The following VRK2 variants were observed in gnomAD, a reference collection of about 807,000 sequenced individuals.
The protein encoded by VRK2 is VRK serine/threonine kinase 2.
In VRK2, 60 loss-of-function variants were observed where a neutral mutation model predicts 57.6. The ratio of observed to expected loss-of-function variants is 1.04; its 90% CI spans 0.85 to 1.29. VRK2 has a LOEUF of 1.29. VRK2 is among the 50% of genes most tolerant of loss of function. The pLI is 0.00. For synonymous variants in VRK2, 231 were observed against 199.2 expected (o/e 1.16, Z -1.35); for missense variants, 705 against 588.1 (o/e 1.20, Z -2.06).
At chr2:58,042,194 CATT>C (rs1674487320), upstream of VRK2, among the ~76,000 whole-genome samples, 1 of 152,056 alleles carries the variant, frequency 6.6e-6, no homozygotes, top group East Asian at 1.9e-4. Context: ...TCTAATTCTT[CATT>C]TATATAGACA....
intron 7 of VRK2, among the ~76,000 whole-genome samples, chr2:58,096,693 TTC>T (rs924145744): frequency 6.6e-6 from 1 of 151,866 alleles, no homozygotes; most frequent in African/African-American, 2.4e-5. Context: ...ATGAGATTTT[TTC>T]TTTTTTCTTA....
intron 1 of VRK2, among the ~76,000 whole-genome samples, chr2:57,967,105 T>A (rs1671943039): frequency 6.6e-6 from 1 of 152,128 alleles, no homozygotes. Flanking sequence ...TATAAATGTA[T>A]TATCAAACTA....
intron 12 of VRK2, among the ~76,000 whole-genome samples, chr2:58,157,985 C>A (rs1684229052): frequency 1.3e-5 from 2 of 152,152 alleles, no homozygotes; most frequent in Admixed American, 6.5e-5. Flanking sequence ...GTACTGAAGA[C>A]AACAGGTGGT....
intron 3 of VRK2, among the ~76,000 whole-genome samples, chr2:58,040,888 C>T (rs1465297105): frequency 1.3e-5 from 2 of 152,148 alleles, no homozygotes; most frequent in Non-Finnish European, 2.9e-5. Flanking sequence ...GTTGCAATTG[C>T]ATGAAAGGTA....
chr2:57,914,606 G>T (rs72945334), intron 1 of VRK2, among the ~76,000 whole-genome samples: 1 of 151,884 alleles, frequency 6.6e-6, no homozygotes, highest in African/African-American at 2.4e-5. Context: ...CCAAATATCC[G>T]AAAAGGTGTT....
chr2:57,982,017 G>A (rs1023317009), intron 1 of VRK2, among the ~76,000 whole-genome samples: 1 of 152,172 alleles, frequency 6.6e-6, no homozygotes, highest in Non-Finnish European at 1.5e-5. Context: ...GTGGGCTGAT[G>A]TTCCTTTAAT....
chr2:57,987,388 T>C (rs988604588), intron 1 of VRK2, among the ~76,000 whole-genome samples: 2 of 152,066 alleles, frequency 1.3e-5, no homozygotes, highest in Non-Finnish European at 2.9e-5. Flanking sequence ...ATATGGCAAA[T>C]ATGCACATGA....
intron 1 of VRK2, among the ~76,000 whole-genome samples, chr2:57,962,811 T>G (rs1305096132): frequency 6.6e-6 from 1 of 152,244 alleles, no homozygotes; most frequent in Non-Finnish European, 1.5e-5. Flanking sequence ...CTTTTCTTCT[T>G]CAAAGTATTT....
At position 58,115,972 on chromosome 2, in the gene VRK2, C is replaced by T. The variant is rs144316582; in HGVS notation, c.544-7129C>T. On this transcript the variant is annotated intron_variant, in intron 7 of 12. Coordinates refer to ENST00000340157, the MANE Select transcript of VRK2 (RefSeq NM_006296.7). Reference sequence around the variant, plus strand: ...GATAGGAGAGTATATGGGTTTGGCACCACGGGGTGGATAGGCAAAACAATT... The same window carrying T: ...GATAGGAGAGTATATGGGTTTGGCATCACGGGGTGGATAGGCAAAACAATT... Among the ~76,000 whole-genome samples, 874 of 152,242 alleles carry T rather than the reference C, an allele frequency of 5.7e-3. 8 individuals are homozygous for T. The highest frequency in any genetic ancestry group is 0.02 in the African/African-American group (818 of 41,518).
In VRK2 at chr2:58,088,401, T is replaced by C. The variant is rs1163418826; in HGVS notation, c.405T>C (p.Asn135=). The C allele has an allele frequency of 6.2e-7, 1 of 1,613,622 alleles. No homozygotes were observed. The highest frequency in any genetic ancestry group is 8.5e-7 in the Non-Finnish European group (1 of 1,179,734). The change falls in exon 6 of 13, where the codon AAT becomes AAC. Residue 135 remains asparagine, a synonymous_variant. Transcript: ENST00000340157. ...ATTTACAGAAGATCTCAGGCCAGAATGGTACCTTTAAAAAGTCAACTGTCC... is the reference window on the plus strand; with the variant it reads ...ATTTACAGAAGATCTCAGGCCAGAACGGTACCTTTAAAAAGTCAACTGTCC... ...GIDLQKISGQ[N]GTFKKSTVLQ...
chr2:57,927,953 T>C (rs900275857), intron 1 of VRK2, among the ~76,000 whole-genome samples: 2 of 152,204 alleles, frequency 1.3e-5, no homozygotes, highest in Non-Finnish European at 2.9e-5. Context: ...TATTTTCTCT[T>C]GCTTTTAGGA....
chr2:58,107,492 CTTCCTAGTATAATT>C lies in VRK2; in HGVS notation c.544-15605_544-15592del, dbSNP rs572213809. Among the ~76,000 whole-genome samples the C allele has an allele frequency of 1.1e-3, 172 of 152,220 alleles. 1 individual carries two copies. The highest frequency in any genetic ancestry group is 4.0e-3 in the African/African-American group (165 of 41,554). On this transcript the variant is annotated intron_variant, in intron 7 of 12. Transcript: ENST00000340157. ...TTTAATAGTCATGAATAGTGACTTT[CTTCCTAGTATAATT>C]TTCATCAGTCTCTCATTATGAGACT...
chr2:58,059,672 ATAT>A (rs1442046935), intron 2 of VRK2, among the ~76,000 whole-genome samples: 1 of 151,792 alleles, frequency 6.6e-6, no homozygotes, highest in Admixed American at 6.6e-5. Context: ...TTATTTCAAG[ATAT>A]TATACAGTAG....
chr2:58,117,078 GT>G (rs1676633300), intron 7 of VRK2, among the ~76,000 whole-genome samples: 2 of 152,094 alleles, frequency 1.3e-5, no homozygotes, highest in Non-Finnish European at 2.9e-5. Flanking sequence ...AATTTTTGGA[GT>G]TTTATTTAAT....
intron 2 of VRK2, among the ~76,000 whole-genome samples, chr2:58,076,125 G>C (rs1333375747): frequency 1.3e-5 from 1 of 79,188 alleles, no homozygotes; most frequent in Non-Finnish European, 2.8e-5. Context: ...TTTTTTTTTT[G>C]GTCTATATTT....
chr2:57,989,007 C>T (rs1672683987), intron 1 of VRK2, among the ~76,000 whole-genome samples: 2 of 152,242 alleles, frequency 1.3e-5, no homozygotes, highest in South Asian at 2.1e-4. Context: ...TCCTATTGCT[C>T]CCAGTCTAGC....
At chr2:58,012,546 C>G (rs1410194007) in intron 1 of VRK2, among the ~76,000 whole-genome samples, 2 of 152,208 alleles carry the variant, frequency 1.3e-5, no homozygotes, top group African/African-American at 4.8e-5. Flanking sequence ...ATCTTCAGCC[C>G]TCTTCCCCTC....
intron 2 of VRK2, chr2:58,028,156 G>T (rs945138263): frequency 6.6e-6 from 1 of 152,142 alleles, no homozygotes; most frequent in Non-Finnish European, 1.5e-5. Context: ...TAGAGCGCAA[G>T]GAAAACTGTT....
chr2:58,035,245 A>G (rs1674238107), intron 3 of VRK2, among the ~76,000 whole-genome samples: 1 of 151,966 alleles, frequency 6.6e-6, no homozygotes, highest in South Asian at 2.1e-4. Context: ...TCCCCCTTAA[A>G]AATATTATAT....
Sources: gnomAD v4.1 joint callset for allele counts (sites outside exome capture counted in the v4.1 genomes callset) on GRCh38, gnomAD v4.1.1 for gene constraint, MANE v1.5 for transcripts, NCBI Gene and HGNC (gene_info 2026-07-23, HGNC 2026-07-21) for gene names.